The following AGMO variants were observed in gnomAD, a reference collection of about 807,000 sequenced individuals.
AGMO encodes the protein glyceryl-ether monooxygenase.
Under a neutral mutation model 60.2 loss-of-function variants are expected in AGMO, and 75 were observed. The ratio of observed to expected loss-of-function variants is 1.25; its 90% CI spans 1.03 to 1.51. AGMO has a LOEUF of 1.51. AGMO is among the 40% of genes most tolerant of loss of function. AGMO has a pLI of 0.00. For synonymous variants in AGMO, 261 were observed against 177.1 expected (o/e 1.47, Z -3.76); for missense variants, 763 against 525.5 (o/e 1.45, Z -4.42).
chr7:15,376,830 C>T (rs1432747406), intron 10 of AGMO, among the ~76,000 whole-genome samples: 1 of 151,914 alleles, frequency 6.6e-6, no homozygotes, highest in Non-Finnish European at 1.5e-5. Context: ...CATAAAAGTC[C>T]GTGGGTCATA....
intron 3 of AGMO, among the ~76,000 whole-genome samples, chr7:15,498,865 C>G (rs935946950): frequency 6.6e-6 from 1 of 151,834 alleles, no homozygotes; most frequent in African/African-American, 2.4e-5. Flanking sequence ...TTCTAGATTT[C>G]GAACTTTTTC....
intron 12 of AGMO, among the ~76,000 whole-genome samples, chr7:15,201,675 C>T (rs1781287269): frequency 6.6e-6 from 1 of 152,124 alleles, no homozygotes; most frequent in African/African-American, 2.4e-5. Flanking sequence ...TTTGGAGATA[C>T]AGCATGCTGT....
chr7:15,341,569 A>G (rs567014264), intron 12 of AGMO, among the ~76,000 whole-genome samples: 1 of 152,268 alleles, frequency 6.6e-6, no homozygotes, highest in East Asian at 1.9e-4. Flanking sequence ...GGGCCCTCCA[A>G]ACTGTTCCAA....
chr7:15,193,361 C>G, the AGMO span, among the ~76,000 whole-genome samples: 2 of 152,128 alleles, frequency 1.3e-5, no homozygotes, highest in Non-Finnish European at 2.9e-5. Context: ...CAAAATTTAT[C>G]AAGTAATTTG....
chr7:15,248,541 G>C (rs1782835920), intron 12 of AGMO, among the ~76,000 whole-genome samples: 1 of 152,022 alleles, frequency 6.6e-6, no homozygotes, highest in South Asian at 2.1e-4. Flanking sequence ...TGACTTATGA[G>C]TCTTTTGTTC....
At chr7:15,336,205 A>G (rs1203068806) in intron 12 of AGMO, among the ~76,000 whole-genome samples, 1 of 152,298 alleles carries the variant, frequency 6.6e-6, no homozygotes, top group Admixed American at 6.5e-5. Context: ...TTCAATTTAT[A>G]GCACAAATTA....
rs902819883 is a variant in AGMO at position 15,480,300 on chromosome 7, T to A, written c.410-49192A>T. On this transcript the variant is annotated intron_variant, in intron 3 of 12. Transcript: ENST00000342526. Reference sequence around the variant, plus strand: ...GTAGAGATAAGTTCTGTTAAGGACATCTTCAGGTTGAGAGTCTTATGATTA... The same window carrying A: ...GTAGAGATAAGTTCTGTTAAGGACAACTTCAGGTTGAGAGTCTTATGATTA... Among the ~76,000 whole-genome samples the A allele has an allele frequency of 3.3e-5, 5 of 152,280 alleles. No individual in the cohort carries two copies. In the South Asian group the frequency reaches 1.0e-3, roughly 32 times the overall value.
chr7:15,512,833 TTTTTTCC>T (rs769533726), intron 3 of AGMO, among the ~76,000 whole-genome samples: 15 of 152,186 alleles, frequency 9.9e-5, no homozygotes, highest in East Asian at 1.9e-4. Context: ...TTGCTATCTT[TTTTTTCC>T]TTTTTCCTTT....
intron 3 of AGMO, among the ~76,000 whole-genome samples, chr7:15,466,048 A>T (rs945498537): frequency 6.6e-6 from 1 of 152,194 alleles, no homozygotes; most frequent in African/African-American, 2.4e-5. Flanking sequence ...AAGTGAATAA[A>T]AGGGACCAAA....
intron 12 of AGMO, among the ~76,000 whole-genome samples, chr7:15,323,607 A>G (rs1201054620): frequency 6.6e-6 from 1 of 152,156 alleles, no homozygotes; most frequent in Non-Finnish European, 1.5e-5. Flanking sequence ...TTCTTATAAT[A>G]TTTAGACAGA....
intron 3 of AGMO, among the ~76,000 whole-genome samples, chr7:15,459,871 T>C (rs1413951908): frequency 6.6e-6 from 1 of 152,120 alleles, no homozygotes; most frequent in Non-Finnish European, 1.5e-5. Flanking sequence ...CACTGAATTC[T>C]ATCAGATACC....
chr7:15,228,348 T>C (rs550404482), intron 12 of AGMO, among the ~76,000 whole-genome samples: 30 of 152,204 alleles, frequency 2.0e-4, no homozygotes, highest in African/African-American at 7.2e-4. Flanking sequence ...ACAAGATTCA[T>C]AGAGCTCAAG....
At chr7:15,190,838 A>ATT in the AGMO span, among the ~76,000 whole-genome samples, 1 of 147,774 alleles carries the variant, frequency 6.8e-6, no homozygotes, top group African/African-American at 2.5e-5. Flanking sequence ...CATTGCTCTC[A>ATT]TTTTTTTTTT....
At chr7:15,266,261 G>C (rs1180706281) in intron 12 of AGMO, among the ~76,000 whole-genome samples, 2 of 151,948 alleles carry the variant, frequency 1.3e-5, no homozygotes, top group Non-Finnish European at 2.9e-5. Flanking sequence ...TCCACTTTTA[G>C]TTTTGCAAGA....
At chr7:15,422,604 A>C (rs1780956084) in intron 4 of AGMO, among the ~76,000 whole-genome samples, 1 of 152,218 alleles carries the variant, frequency 6.6e-6, no homozygotes, top group Non-Finnish European at 1.5e-5. Context: ...AATATGTTGA[A>C]GAGGCAGCAG....
rs142512565 is a variant in AGMO at position 15,273,880 on chromosome 7, A to G, written c.1264-72521T>C. Among the ~76,000 whole-genome samples the G allele has an allele frequency of 5.1e-3, 781 of 152,248 alleles. 7 individuals are homozygous for G. The highest frequency in any genetic ancestry group is 8.6e-3 in the Non-Finnish European group (588 of 68,010). On this transcript the variant is annotated intron_variant, in intron 12 of 12. Coordinates refer to ENST00000342526, the MANE Select transcript of AGMO (RefSeq NM_001004320.2). The stretch of plus-strand genomic sequence containing the variant: ...TTCCTAGGTATTTTGTTCTCTTTGA[A>G]GCAATTGTGAATGGGAGTTCTATCA...
chr7:15,226,135 T>G (rs1441263424), intron 12 of AGMO, among the ~76,000 whole-genome samples: 3 of 152,062 alleles, frequency 2.0e-5, no homozygotes, highest in African/African-American at 7.2e-5. Flanking sequence ...TAGATTTTAC[T>G]GGCTAAAATC....
chr7:15,383,912 G>C (rs1783801158), intron 10 of AGMO, among the ~76,000 whole-genome samples: 1 of 151,886 alleles, frequency 6.6e-6, no homozygotes, highest in Non-Finnish European at 1.5e-5. Flanking sequence ...ACTGTGTAAT[G>C]GATGATTAAT....
intron 3 of AGMO, among the ~76,000 whole-genome samples, chr7:15,499,947 T>A (rs914934864): frequency 6.9e-6 from 1 of 144,942 alleles, no homozygotes; most frequent in Admixed American, 6.9e-5. Flanking sequence ...ATATATATAA[T>A]ATATATATTT....
Sources: allele counts gnomAD v4.1 joint callset (sites outside exome capture counted in the v4.1 genomes callset), GRCh38; gene constraint gnomAD v4.1.1; transcripts MANE v1.5; gene names NCBI Gene and HGNC (gene_info 2026-07-23, HGNC 2026-07-21).